Variants in TGM4 observed in about 807,000 individuals in gnomAD.
The protein encoded by TGM4 is transglutaminase 4.
In TGM4, 61 loss-of-function variants were observed where a neutral mutation model predicts 76.3. That is an observed-to-expected ratio of 0.80 (90% CI 0.65 to 0.99). The LOEUF is 0.99. Ranked by LOEUF, TGM4 falls within the 50% of genes least tolerant of loss-of-function variation. The pLI is 0.00. For synonymous variants in TGM4, 337 were observed against 329.8 expected (o/e 1.02, Z -0.24); for missense variants, 794 against 843.2 (o/e 0.94, Z 0.72).
chr3:44,891,447 T>C (rs1221270128), intron 4 of TGM4, among the ~76,000 whole-genome samples: 1 of 148,006 alleles, frequency 6.8e-6, no homozygotes, highest in African/African-American at 2.5e-5. Context: ...CCCTTTATCA[T>C]CCAGGCTCAC....
chr3:44,909,269 A>T (rs1699968086), intron 10 of TGM4, among the ~76,000 whole-genome samples: 1 of 152,204 alleles, frequency 6.6e-6, no homozygotes, highest in Admixed American at 6.5e-5. Context: ...GCCTTATCAG[A>T]TCTTTCTCAG....
intron 5 of TGM4, among the ~76,000 whole-genome samples, chr3:44,895,219 C>T (rs558775900): frequency 1.8e-4 from 27 of 152,290 alleles, no homozygotes; most frequent in Admixed American, 5.2e-4. Flanking sequence ...CACTTGAACC[C>T]GGGAGACGGA....
intron 10 of TGM4, among the ~76,000 whole-genome samples, chr3:44,908,088 C>A (rs889761738): frequency 6.6e-6 from 1 of 152,156 alleles, no homozygotes; most frequent in African/African-American, 2.4e-5. Context: ...AGTTTGGACC[C>A]CTGGGTTGAT....
At chr3:44,902,387 G>A (rs981569899) in intron 8 of TGM4, among the ~76,000 whole-genome samples, 5 of 152,044 alleles carry the variant, frequency 3.3e-5, no homozygotes, top group South Asian at 4.2e-4. Flanking sequence ...GGTGGATCAC[G>A]AGGTCAGGAG....
At chr3:44,912,887 G>T (rs184370087) in intron 13 of TGM4, among the ~76,000 whole-genome samples, 8 of 152,128 alleles carry the variant, frequency 5.3e-5, no homozygotes, top group African/African-American at 1.9e-4. Context: ...TTGTTTGCTG[G>T]ACTATATGGA....
intron 1 of TGM4, among the ~76,000 whole-genome samples, chr3:44,881,444 T>C (rs1699530953): frequency 6.6e-6 from 1 of 152,260 alleles, no homozygotes; most frequent in South Asian, 2.1e-4. Flanking sequence ...ATTACAGTTA[T>C]GGAGGCTGAG....
chr3:44,906,733 G>A (rs1367853716), intron 9 of TGM4, among the ~76,000 whole-genome samples: 1 of 152,138 alleles, frequency 6.6e-6, no homozygotes, highest in Non-Finnish European at 1.5e-5. Context: ...CCTATTACTG[G>A]GACAGAGGAT....
intron 1 of TGM4, 97 bp downstream of exon 1, chr3:44,874,794 C>T: frequency 1.4e-6 from 2 of 1,466,672 alleles, no homozygotes; most frequent in South Asian, 1.2e-5. Flanking sequence ...GGGCCATTGC[C>T]CTCTCACCCT....
rs556737663 is a variant in TGM4, at chr3:44,885,663, T to G, written c.193+165T>G. 2.6e-5 allele frequency among the ~76,000 whole-genome samples: 4 copies of G among 152,096 alleles called. No individual in the cohort carries two copies. In the South Asian group the frequency reaches 8.3e-4, roughly 32 times the overall value. ...GGAATAATAGCGGGTGTGAAGAGAA[T>G]AGAATGGGAAGCTCAGTCAGGACCT... On this transcript the variant is annotated intron_variant, in intron 2 of 13. Coordinates refer to ENST00000296125, the MANE Select transcript of TGM4 (RefSeq NM_003241.4).
chr3:44,904,547 G>A (rs1160497629), intron 9 of TGM4, among the ~76,000 whole-genome samples: 2 of 152,180 alleles, frequency 1.3e-5, no homozygotes, highest in Non-Finnish European at 2.9e-5. Context: ...AGAGGCATGG[G>A]GTTGGTCTGA....
chr3:44,909,708 G>C (rs757533457), intron 10 of TGM4, among the ~76,000 whole-genome samples: 3 of 152,190 alleles, frequency 2.0e-5, no homozygotes, highest in Non-Finnish European at 4.4e-5. Flanking sequence ...GGGGAGATGG[G>C]AATCAGAATG....
chr3:44,883,854 C>T (rs1184859917), intron 1 of TGM4, among the ~76,000 whole-genome samples: 1 of 152,248 alleles, frequency 6.6e-6, no homozygotes, highest in Non-Finnish European at 1.5e-5. Context: ...ATTTTGTAGT[C>T]ATGAAAGCCC....
intron 13 of TGM4, 144 bp from the exon 14 acceptor site, chr3:44,913,440 C>T (rs1306648110): frequency 1.0e-6 from 1 of 993,996 alleles, no homozygotes; most frequent in African/African-American, 1.6e-5. Context: ...TGCAGGTACA[C>T]TGTGCCATGC....
chr3:44,912,301 C>A (rs967165081), intron 13 of TGM4, among the ~76,000 whole-genome samples: 2 of 152,154 alleles, frequency 1.3e-5, no homozygotes, highest in African/African-American at 4.8e-5. Context: ...GCTTTATTTA[C>A]ACAATTAGGT....
chr3:44,879,697 C>T (rs948331312), intron 1 of TGM4, among the ~76,000 whole-genome samples: 1 of 151,922 alleles, frequency 6.6e-6, no homozygotes, highest in Admixed American at 6.6e-5. Context: ...AGGCTGGTCT[C>T]GAACTCCTGA....
At chr3:44,878,452 ATTATTAT>A (rs1699480519) in intron 1 of TGM4, among the ~76,000 whole-genome samples, 2 of 11,766 alleles carry the variant, frequency 1.7e-4, no homozygotes, top group Non-Finnish European at 3.7e-4. Context: ...CTTTTGTTTT[ATTATTAT>A]TATTATTATT....
chr3:44,904,045 G>A, intron 9 of TGM4, 58 bp downstream of exon 9: 1 of 1,475,864 alleles, frequency 6.8e-7, no homozygotes, highest in Non-Finnish European at 9.4e-7. Flanking sequence ...CATGGCCCAG[G>A]GTTCTGTGGG....
chr3:44,894,939 G>A (rs1187940717), intron 5 of TGM4, among the ~76,000 whole-genome samples: 3 of 152,116 alleles, frequency 2.0e-5, no homozygotes, highest in African/African-American at 7.2e-5. Flanking sequence ...ACAGCCAAAC[G>A]AACCGCAGGA....
At chr3:44,901,999 A>G (rs2125757171) in intron 8 of TGM4, 68 bp downstream of exon 8, 3 of 1,565,058 alleles carry the variant, frequency 1.9e-6, no homozygotes, top group Non-Finnish European at 2.6e-6. Flanking sequence ...CTTTTTAGAA[A>G]CAGGGTCTCT....
Sources: gnomAD v4.1 joint callset for allele counts (sites outside exome capture counted in the v4.1 genomes callset) on GRCh38, gnomAD v4.1.1 for gene constraint, MANE v1.5 for transcripts, NCBI Gene and HGNC (gene_info 2026-07-23, HGNC 2026-07-21) for gene names.